CEP83: variants seen among roughly 807,000 people sequenced by gnomAD.
CEP83 encodes centrosomal protein of 83 kDa.
In CEP83, 70 loss-of-function variants were observed where a neutral mutation model predicts 101.9. The ratio of observed to expected loss-of-function variants is 0.69; its 90% CI spans 0.57 to 0.84. The LOEUF is 0.84. CEP83 is among the 40% of genes least tolerant of loss of function. The probability of loss-of-function intolerance (pLI) is 0.00; values close to 1 mark genes in which losing one functional copy is unlikely to be tolerated. For missense variants in CEP83, 715 were observed against 787.2 expected (o/e 0.91, Z 1.10); for synonymous variants, 264 against 267.9 (o/e 0.99, Z 0.14).
At position 94,406,373 on chromosome 12, in the gene CEP83, C is replaced by A. The variant is rs956135156; in HGVS notation, c.325-3111G>T. On this transcript the variant is annotated intron_variant, in intron 4 of 16. Transcript: ENST00000397809. ...AAAACAACAACAACAACAACAACAA[C>A]AAAAATCCAGCATTTTAAAAACAAA... Among the ~76,000 whole-genome samples, 14 of 149,376 alleles carry A rather than the reference C, an allele frequency of 9.4e-5. 1 individual carries two copies. The highest frequency in any genetic ancestry group is 6.6e-4 in the Admixed American group (10 of 15,090).
At chr12:94,419,196 G>A (rs115861900) in intron 2 of CEP83, among the ~76,000 whole-genome samples, 8,620 of 152,032 alleles carry the variant, frequency 0.057, 269 homozygotes, top group Non-Finnish European at 0.072. Flanking sequence ...CATTCCATAT[G>A]CCAGCAACAA....
At chr12:94,305,244 A>AAAG (rs773966809), downstream of CEP83, 1 of 1,611,520 alleles carries the variant, frequency 6.2e-7, no homozygotes, top group South Asian at 1.1e-5. Context: ...CTTGCATGTA[A>AAAG]AAGTCTTATT....
At chr12:94,275,827 C>T in the CEP83 span, among the ~76,000 whole-genome samples, 2 of 78,194 alleles carry the variant, frequency 2.6e-5, 1 homozygote, top group Non-Finnish European at 4.9e-5. Flanking sequence ...TGCACTCCAG[C>T]CTGGGCGACA....
chr12:94,351,471 T>A (rs905221718), intron 11 of CEP83, among the ~76,000 whole-genome samples: 1 of 151,966 alleles, frequency 6.6e-6, no homozygotes, highest in African/African-American at 2.4e-5. Context: ...ATCTGAAGGG[T>A]CCCACTGTAA....
chr12:94,375,952 T>C lies in CEP83; in HGVS notation c.867A>G (p.Glu289=). The change falls in exon 8 of 17, where the codon GAA becomes GAG. Residue 289 remains glutamate (E), a synonymous_variant. Transcript: ENST00000397809. Reference sequence around the variant, plus strand: ...ATTTATTAATTAAAAAGGTATTTTGTTCACTGCTTGATTGTAGCTCTTTTT... The same window carrying C: ...ATTTATTAATTAAAAAGGTATTTTGCTCACTGCTTGATTGTAGCTCTTTTT... ...RLEKELQSSS[E]QNTFLINKLH... is the part of the protein sequence containing the mutation. The C allele has an allele frequency of 1.3e-6, 2 of 1,558,718 alleles. No individual in the cohort carries two copies. Among genetic ancestry groups the C allele is most frequent in the South Asian group, 1.2e-5 (1 of 83,708 alleles).
intron 4 of CEP83, 60 bp downstream of exon 4, chr12:94,411,636 TA>T (rs2063887451): frequency 7.7e-7 from 1 of 1,291,824 alleles, no homozygotes; most frequent in South Asian, 1.3e-5. Context: ...CAAAACTACT[TA>T]CTTCCACTAC....
the CEP83 span, chr12:94,272,329 C>T: frequency 6.6e-6 from 1 of 152,292 alleles, no homozygotes; most frequent in Non-Finnish European, 1.5e-5. Flanking sequence ...TTCTAAGTGT[C>T]TGCTCACCCC....
chr12:94,435,799 T>C (rs2065940242), intron 1 of CEP83, among the ~76,000 whole-genome samples: 2 of 152,186 alleles, frequency 1.3e-5, no homozygotes, highest in Non-Finnish European at 2.9e-5. Flanking sequence ...TCTGTCCACA[T>C]GACAACTTCA....
rs749415828 is a variant in CEP83 at position 94,318,850 on chromosome 12, CAA to C, written c.1708-5835_1708-5834del. Among the ~76,000 whole-genome samples the C allele has an allele frequency of 3.9e-5, 6 of 152,242 alleles. No individual in the cohort carries two copies. In the South Asian group the frequency reaches 6.2e-4, roughly 16 times the overall value. On this transcript the variant is annotated intron_variant, in intron 14 of 16. Transcript: ENST00000397809. ...TAAGGATTTCTGCATCAATATTCGT[CAA>C]AGATATTGGCCTAAAGTTTTCATTG...
chr12:94,390,851 T>A (rs1162802187), intron 6 of CEP83, among the ~76,000 whole-genome samples: 2 of 152,112 alleles, frequency 1.3e-5, no homozygotes, highest in Middle Eastern at 3.2e-3. Flanking sequence ...AATAGCTGAT[T>A]CAATCAAGTG....
intron 11 of CEP83, among the ~76,000 whole-genome samples, chr12:94,355,277 A>T (rs1358211438): frequency 6.6e-6 from 1 of 152,116 alleles, no homozygotes; most frequent in Non-Finnish European, 1.5e-5. Context: ...GTGGATCACG[A>T]GGTCAGGAGA....
chr12:94,305,993 A>AACCAGATACTTTGTCCTAAT (rs1289695491), downstream of CEP83: 4 of 152,228 alleles, frequency 2.6e-5, no homozygotes, highest in African/African-American at 9.6e-5. Context: ...ACAGCATTTT[A>AACCAGATACTTTGTCCTAAT]ACCAGATACT....
chr12:94,411,671 C>T, intron 4 of CEP83, 26 bp downstream of exon 4: 1 of 1,568,392 alleles, frequency 6.4e-7, no homozygotes, highest in East Asian at 2.2e-5. Context: ...TTTATACTAA[C>T]TCAAAACTCA....
At chr12:94,447,702 A>T (rs2066912626) in intron 1 of CEP83, among the ~76,000 whole-genome samples, 2 of 152,138 alleles carry the variant, frequency 1.3e-5, no homozygotes, top group South Asian at 4.1e-4. Context: ...TAATAATAAT[A>T]GCACCAAAAA....
At chr12:94,378,639 T>C in intron 7 of CEP83, 152 bp downstream of exon 7, 1 of 836,366 alleles carries the variant, frequency 1.2e-6, no homozygotes, top group South Asian at 2.0e-5. Flanking sequence ...AATAGCTTTC[T>C]TCTTTACTAA....
At chr12:94,288,236 G>T in the CEP83 span, among the ~76,000 whole-genome samples, 2 of 152,210 alleles carry the variant, frequency 1.3e-5, no homozygotes, top group South Asian at 2.1e-4. Flanking sequence ...TTATCAAAAT[G>T]CTTCCCTACT....
intron 11 of CEP83, among the ~76,000 whole-genome samples, chr12:94,343,824 T>A (rs1265416340): frequency 6.6e-6 from 1 of 152,196 alleles, no homozygotes; most frequent in Admixed American, 6.5e-5. Flanking sequence ...TTCTCCTACC[T>A]GGAAATTAAA....
rs1434987306 is a variant in CEP83 at position 94,317,032 on chromosome 12, CCCA to C, written c.1708-4018_1708-4016del. 3.9e-5 allele frequency among the ~76,000 whole-genome samples: 6 copies of C among 152,132 alleles called. No individual in the cohort carries two copies. In the South Asian group the frequency reaches 8.3e-4, roughly 21 times the overall value. On this transcript the variant is annotated intron_variant, in intron 14 of 16. Transcript: ENST00000397809. ...CACAATGGTTGAACTAATTTACACT[CCCA>C]CCAACAGTGTATCAAAGTATTCCCT...
intron 11 of CEP83, 151 bp from the exon 12 acceptor site, chr12:94,335,815 C>T (rs568309413): frequency 2.1e-5 from 13 of 608,156 alleles, no homozygotes; most frequent in Non-Finnish European, 3.2e-5. Flanking sequence ...GTTGTGTTCA[C>T]GTATAACAAA....
Sources: allele counts gnomAD v4.1 joint callset (sites outside exome capture counted in the v4.1 genomes callset), GRCh38; gene constraint gnomAD v4.1.1; transcripts MANE v1.5; gene names NCBI Gene and HGNC (gene_info 2026-07-23, HGNC 2026-07-21).